Variants in KCNQ5 observed in about 807,000 individuals in gnomAD.
KCNQ5 encodes potassium voltage-gated channel subfamily KQT member 5.
KCNQ5 carries 30 observed loss-of-function variants against 98.2 expected under a neutral mutation model. The observed-to-expected ratio is 0.31, with a 90% CI of 0.23 to 0.41. The LOEUF (loss-of-function observed/expected upper bound fraction) is 0.41, where lower values mean the gene tolerates loss of function less well. Ranked by LOEUF, KCNQ5 falls within the 10% of genes least tolerant of loss-of-function variation. The pLI, the probability that KCNQ5 is intolerant of heterozygous loss-of-function variation, is 1.00. For synonymous variants in KCNQ5, 458 were observed against 449.4 expected (o/e 1.02, Z -0.24); for missense variants, 835 against 1,182.5 (o/e 0.71, Z 4.31).
chr6:73,072,238 T>C (rs1367035174), intron 3 of KCNQ5, among the ~76,000 whole-genome samples: 1 of 152,222 alleles, frequency 6.6e-6, no homozygotes, highest in Non-Finnish European at 1.5e-5. Context: ...AGTCAAGATA[T>C]ACCCTCTTTG....
intron 2 of KCNQ5, among the ~76,000 whole-genome samples, chr6:73,027,926 G>A (rs941868809): frequency 9.9e-5 from 15 of 152,184 alleles, no homozygotes; most frequent in Non-Finnish European, 1.9e-4. Context: ...TTTCAACAGT[G>A]TAAACAATTT....
In KCNQ5 at chr6:72,685,979, C is replaced by T. The variant is rs183225511; in HGVS notation, c.398+63392C>T. ...AGCTTGCAGATAGTTGCCACCTAGC[C>T]GCGTGATCATGTGACCTCTTCTTTG... On this transcript the variant is annotated intron_variant, in intron 1 of 13. Coordinates refer to ENST00000370398, the MANE Select transcript of KCNQ5 (RefSeq NM_019842.4). 2.4e-3 allele frequency among the ~76,000 whole-genome samples: 370 copies of T among 152,228 alleles called. 2 individuals are homozygous for T. The highest frequency in any genetic ancestry group is 8.5e-3 in the African/African-American group (353 of 41,522).
At chr6:73,100,145 A>T (rs929555635) in intron 5 of KCNQ5, among the ~76,000 whole-genome samples, 3 of 152,248 alleles carry the variant, frequency 2.0e-5, no homozygotes, top group African/African-American at 7.2e-5. Flanking sequence ...CTTGAAACAA[A>T]TGATAATGGA....
chr6:72,784,287 C>T (rs868139952), intron 1 of KCNQ5, among the ~76,000 whole-genome samples: 1 of 152,028 alleles, frequency 6.6e-6, no homozygotes, highest in Non-Finnish European at 1.5e-5. Flanking sequence ...TAAAACCTTC[C>T]CTAGATTCCA....
chr6:72,965,233 T>C (rs1392307351), intron 1 of KCNQ5, among the ~76,000 whole-genome samples: 1 of 152,238 alleles, frequency 6.6e-6, no homozygotes, highest in South Asian at 2.1e-4. Context: ...TTAGATAAGC[T>C]TCTTTCAGGC....
intron 1 of KCNQ5, among the ~76,000 whole-genome samples, chr6:72,854,992 G>A (rs1050698846): frequency 6.6e-6 from 1 of 151,786 alleles, no homozygotes; most frequent in Non-Finnish European, 1.5e-5. Flanking sequence ...TTCATTTAGT[G>A]GAACAAGAAG....
At chr6:73,062,577 G>GA (rs934933117) in intron 3 of KCNQ5, among the ~76,000 whole-genome samples, 2 of 151,644 alleles carry the variant, frequency 1.3e-5, no homozygotes, top group African/African-American at 4.8e-5. Context: ...AGCAAATAGA[G>GA]AAAAAAAATG....
chr6:73,154,898 A>G (rs955374235), intron 10 of KCNQ5, among the ~76,000 whole-genome samples: 2 of 137,466 alleles, frequency 1.5e-5, no homozygotes, highest in Non-Finnish European at 3.4e-5. Flanking sequence ...AAAACAAAAC[A>G]AAAAAATTAA....
intron 1 of KCNQ5, among the ~76,000 whole-genome samples, chr6:72,718,445 CTTTTTTT>C (rs1032425332): frequency 9.8e-5 from 7 of 71,452 alleles, no homozygotes; most frequent in African/African-American, 3.7e-4. Flanking sequence ...CCTTTCTGCT[CTTTTTTT>C]TTTTTTTTTT....
At chr6:73,162,810 G>T (rs760950506) in intron 10 of KCNQ5, among the ~76,000 whole-genome samples, 1 of 152,174 alleles carries the variant, frequency 6.6e-6, no homozygotes, top group Non-Finnish European at 1.5e-5. Flanking sequence ...TGTGGAGTTG[G>T]CACATCCTCC....
chr6:72,935,351 G>A (rs1765868654), intron 1 of KCNQ5, among the ~76,000 whole-genome samples: 2 of 152,224 alleles, frequency 1.3e-5, no homozygotes, highest in East Asian at 1.9e-4. Flanking sequence ...GATTACAGGC[G>A]TGAGCCACCT....
intron 10 of KCNQ5, among the ~76,000 whole-genome samples, chr6:73,151,920 T>G (rs1251893583): frequency 6.6e-6 from 1 of 152,180 alleles, no homozygotes; most frequent in East Asian, 1.9e-4. Flanking sequence ...GCTGTCAATG[T>G]GTCTGTCCCT....
intron 10 of KCNQ5, among the ~76,000 whole-genome samples, chr6:73,151,859 A>AT (rs1003868125): frequency 2.6e-4 from 40 of 152,086 alleles, no homozygotes; most frequent in Admixed American, 2.1e-3. Flanking sequence ...TAAAAATCCA[A>AT]TTTTTTTTAC....
chr6:72,934,650 A>G (rs1052024101), intron 1 of KCNQ5, among the ~76,000 whole-genome samples: 2 of 152,206 alleles, frequency 1.3e-5, no homozygotes, highest in South Asian at 2.1e-4. Flanking sequence ...TTCAAAATTC[A>G]TCTTTAAGTG....
chr6:72,851,784 T>C (rs968045761), intron 1 of KCNQ5, among the ~76,000 whole-genome samples: 3 of 152,138 alleles, frequency 2.0e-5, no homozygotes, highest in Non-Finnish European at 4.4e-5. Flanking sequence ...TTAAGAATAG[T>C]TATTATTTGT....
At chr6:73,004,190 A>G (rs1328229093) in intron 2 of KCNQ5, among the ~76,000 whole-genome samples, 192 bp downstream of exon 2, 2 of 152,184 alleles carry the variant, frequency 1.3e-5, no homozygotes, top group East Asian at 3.9e-4. Flanking sequence ...ATATATAGAA[A>G]TGTTCAGGAT....
intron 1 of KCNQ5, among the ~76,000 whole-genome samples, chr6:72,655,018 G>GTCGGTCTTTCTTTCCC (rs1554683229): frequency 3.5e-4 from 32 of 90,612 alleles, no homozygotes; most frequent in East Asian, 4.1e-4. Context: ...AATAGCCAAG[G>GTCGGTCTTTCTTTCCC]TCTGTCTGTC....
At chr6:72,643,521 T>C (rs181568523) in intron 1 of KCNQ5, among the ~76,000 whole-genome samples, 1 of 152,212 alleles carries the variant, frequency 6.6e-6, no homozygotes, top group East Asian at 1.9e-4. Context: ...TCCAAAATAC[T>C]CCAAAATATG....
rs1490205572 is a variant in KCNQ5 at position 72,677,817 on chromosome 6, G to A, written c.398+55230G>A. On this transcript the variant is annotated intron_variant, in intron 1 of 13. Coordinates refer to ENST00000370398, the MANE Select transcript of KCNQ5 (RefSeq NM_019842.4). ...TATAAATCAAATATCAACATACAAAGTTGAGTGAGCAGACTTGTTTGCCTC... is the reference window on the plus strand; with the variant it reads ...TATAAATCAAATATCAACATACAAAATTGAGTGAGCAGACTTGTTTGCCTC... Among the ~76,000 whole-genome samples, 5 of 152,256 alleles carry A rather than the reference G, an allele frequency of 3.3e-5. No homozygotes were observed. The East Asian group carries it at 9.6e-4, about 29-fold the overall frequency.
Sources: gnomAD v4.1 joint callset for allele counts (sites outside exome capture counted in the v4.1 genomes callset) on GRCh38, gnomAD v4.1.1 for gene constraint, MANE v1.5 for transcripts, NCBI Gene and HGNC (gene_info 2026-07-23, HGNC 2026-07-21) for gene names.